Variants in CENPE observed in about 807,000 individuals in gnomAD.
The protein encoded by CENPE is centromere protein E, also known as centromere-associated protein E.
CENPE carries 145 observed loss-of-function variants against 336.1 expected under a neutral mutation model. The ratio of observed to expected loss-of-function variants is 0.43; its 90% CI spans 0.38 to 0.50. The LOEUF is 0.50. CENPE is among the 20% of genes least tolerant of loss of function. The pLI is 0.00. For missense variants in CENPE, 2,719 were observed against 3,023.3 expected (o/e 0.90, Z 2.36); for synonymous variants, 1,013 against 984.8 (o/e 1.03, Z -0.54).
At chr4:103,113,560 A>G (rs1156370929) in intron 46 of CENPE, among the ~76,000 whole-genome samples, 6 of 141,702 alleles carry the variant, frequency 4.2e-5, no homozygotes, top group Admixed American at 3.7e-4. Flanking sequence ...TATATAATAT[A>G]TAAGTAATAT....
chr4:103,153,589 G>A lies in CENPE; in HGVS notation c.3034-339C>T, dbSNP rs148960888. The stretch of plus-strand genomic sequence containing the variant: ...TACAAATATTAATAATTGTCTTCAC[G>A]TATGATAGGTTAACATGATTCTGCA... On this transcript the variant is annotated intron_variant, in intron 24 of 48. Transcript: ENST00000265148. 2.2e-3 allele frequency among the ~76,000 whole-genome samples: 341 copies of A among 152,248 alleles called. 1 individual carries two copies. The highest frequency in any genetic ancestry group is 7.3e-3 in the African/African-American group (304 of 41,546).
Position 103,144,417 on chromosome 4 carries a change from CTTTT to C in CENPE, c.5055_5058del (p.Arg1688MetfsTer12). 3 of 1,614,020 alleles carry C rather than the reference CTTTT, an allele frequency of 1.9e-6. No homozygotes were observed. The highest frequency in any genetic ancestry group is 2.5e-6 in the Non-Finnish European group (3 of 1,179,896). On this transcript the variant is annotated frameshift_variant, in exon 33 of 49. Transcript: ENST00000265148. LOFTEE classifies it high-confidence loss of function. ...TCCACACTCCTAAGGTCATCTCTTT[CTTTT>C]GTTACAGATCTCATTTCTTCAAGGT... is the stretch of plus-strand genomic sequence containing the variant.
chr4:103,145,017 T>TC, intron 32 of CENPE, 33 bp downstream of exon 32: 1 of 1,380,306 alleles, frequency 7.2e-7, no homozygotes, highest in Non-Finnish European at 9.7e-7. Context: ...TATTTCTGTA[T>TC]CCAAAAAAAA....
intron 8 of CENPE, among the ~76,000 whole-genome samples, chr4:103,187,508 A>G (rs2126036484): frequency 1.3e-5 from 2 of 152,356 alleles, no homozygotes; most frequent in Admixed American, 6.5e-5. Context: ...ATTCTTAAAG[A>G]AAAGAATATT....
chr4:103,140,783 A>T (rs1441847563), intron 36 of CENPE, 31 bp downstream of exon 36: 5 of 1,531,718 alleles, frequency 3.3e-6, no homozygotes, highest in Non-Finnish European at 4.4e-6. Context: ...ATGTGAATAT[A>T]ATGGTAGGGT....
chr4:103,106,340 A>C, intron 48 of CENPE, 24 bp from the exon 49 acceptor site: 1 of 1,543,032 alleles, frequency 6.5e-7, no homozygotes, highest in Non-Finnish European at 8.9e-7. Flanking sequence ...TGAAAACAAC[A>C]TTCATCCTAT....
rs865884196 is a variant in CENPE at position 103,196,803 on chromosome 4, T to C, written c.104A>G (p.Asn35Ser). Reference sequence around the variant, plus strand: ...TCCATCAACTTGATAAATGACATTATTGTCAGTTTTCCAGTAAACTTGGGC... The same window carrying C: ...TCCATCAACTTGATAAATGACATTACTGTCAGTTTTCCAGTAAACTTGGGC... Reference protein sequence around the residue: ...ETAQVYWKTDNNVIYQVDGSK... With the variant: ...ETAQVYWKTDSNVIYQVDGSK... Residue 35 changes from asparagine (N) to serine (S), a missense_variant, in exon 2 of 49, where the codon AAT becomes AGT. This residue lies in a region of CENPE where 48 missense variants were observed against 50.8 expected (regional missense o/e 0.94). Coordinates refer to ENST00000265148, the MANE Select transcript of CENPE (RefSeq NM_001813.3). 7.5e-6 allele frequency: 12 copies of C among 1,600,214 alleles called. No homozygotes were observed. The Middle Eastern group carries it at 6.8e-4, about 91-fold the overall frequency.
chr4:103,149,419 A>C lies in CENPE; in HGVS notation c.3397-11T>G, dbSNP rs764993912. On this transcript the variant is annotated splice_polypyrimidine_tract_variant and intron_variant, in intron 26 of 48. Coordinates refer to ENST00000265148, the MANE Select transcript of CENPE (RefSeq NM_001813.3). ...TTGGAGTTGCTGGCTCTTAAAATGC[A>C]CAATTTTTATAATTACCATTTTACT... 24 of 1,543,574 alleles carry C rather than the reference A, an allele frequency of 1.6e-5. No homozygotes were observed. Among genetic ancestry groups the C allele is most frequent in the South Asian group, 5.1e-5 (4 of 78,996 alleles).
In CENPE at chr4:103,175,961, T is replaced by C. The variant is rs1755817127; in HGVS notation, c.1478A>G (p.Gln493Arg). 5 of 1,572,680 alleles carry C rather than the reference T, an allele frequency of 3.2e-6. No homozygotes were observed. The East Asian group carries it at 1.1e-4, about 36-fold the overall frequency. Reference sequence around the variant, plus strand: ...ATGCTGTAAAATACATTAAGTTACCTGATTTAGTAGCTTTGTTGCTGGATT... The same window carrying C: ...ATGCTGTAAAATACATTAAGTTACCCGATTTAGTAGCTTTGTTGCTGGATT... ...EWNPATKLLN[Q>R]ENIESELNSL... Residue 493 changes from glutamine to arginine, a missense_variant and splice_region_variant, in exon 15 of 49, where the codon CAG (glutamine) becomes CGG (arginine). Transcript: ENST00000265148.
At chr4:103,141,969 A>G (rs1221413420) in intron 34 of CENPE, 61 bp from the exon 35 acceptor site, 2 of 1,026,782 alleles carry the variant, frequency 1.9e-6, no homozygotes, top group Admixed American at 4.9e-5. Flanking sequence ...TTTAAAAAAT[A>G]AAGTGATATA....
chr4:103,157,031 G>T (rs1754015980), intron 24 of CENPE, among the ~76,000 whole-genome samples: 1 of 139,932 alleles, frequency 7.1e-6, no homozygotes, highest in South Asian at 2.2e-4. Context: ...ATGAGATACT[G>T]CCTCACATCC....
At chr4:103,160,490 T>C in intron 21 of CENPE, 135 bp downstream of exon 21, 1 of 612,238 alleles carries the variant, frequency 1.6e-6, no homozygotes, top group Non-Finnish European at 2.7e-6. Flanking sequence ...CATTTCTATT[T>C]CTAACTAGTC....
intron 24 of CENPE, 34 bp from the exon 25 acceptor site, chr4:103,153,284 A>C (rs773448944): frequency 5.6e-6 from 8 of 1,434,816 alleles, no homozygotes; most frequent in Non-Finnish European, 3.8e-6. Context: ...AGAATTTCTT[A>C]AGTAGTTAAC....
rs1752035981 is a variant in CENPE at position 103,135,995 on chromosome 4, C to T, written c.6522+146G>A. ...GAGTTCAGGTGTTGCTGATATCCTA[C>T]ATATTACTATGCTCAGACCCACATA... On this transcript the variant is annotated intron_variant, in intron 40 of 48. Transcript: ENST00000265148. The T allele has an allele frequency of 2.7e-5, 18 of 670,984 alleles. No homozygotes were observed. In the South Asian group the frequency reaches 3.5e-4, roughly 13 times the overall value. 41.6% of individuals were successfully genotyped at this position (670,984 alleles called of 1,614,324 possible).
intron 15 of CENPE, among the ~76,000 whole-genome samples, chr4:103,175,685 A>C (rs1415400073): frequency 6.6e-6 from 1 of 152,132 alleles, no homozygotes; most frequent in Non-Finnish European, 1.5e-5. Context: ...GAAGTTTACC[A>C]AGGCAAAACA....
At chr4:103,186,343 G>C (rs1451677910) in intron 8 of CENPE, among the ~76,000 whole-genome samples, 2 of 151,704 alleles carry the variant, frequency 1.3e-5, no homozygotes, top group Non-Finnish European at 2.9e-5. Flanking sequence ...CCTCAGCATA[G>C]CTTTGCCTAC....
chr4:103,162,032 AATT>A (rs1338924849), intron 18 of CENPE, among the ~76,000 whole-genome samples: 2 of 152,136 alleles, frequency 1.3e-5, no homozygotes, highest in Non-Finnish European at 2.9e-5. Context: ...AAAATTAATA[AATT>A]AATACATGAA....
intron 21 of CENPE, among the ~76,000 whole-genome samples, chr4:103,160,271 G>A (rs1481513093): frequency 6.6e-6 from 1 of 151,630 alleles, no homozygotes; most frequent in East Asian, 1.9e-4. Context: ...CCTCATTACT[G>A]TCTTTTATTC....
chr4:103,176,119 AC>A lies in CENPE; in HGVS notation c.1391-72del, dbSNP rs1280881106. ...AATTTCCTAAGTCAAATTAAAGATT[AC>A]TAAAAAAATTCTTATCAGAGATACT... On this transcript the variant is annotated intron_variant, in intron 14 of 48. Transcript: ENST00000265148. 3.4e-6 allele frequency: 3 copies of A among 888,554 alleles called. No homozygotes were observed. In the East Asian group the frequency reaches 7.7e-5, roughly 23 times the overall value. 55.0% of individuals were successfully genotyped at this position (888,554 alleles called of 1,614,324 possible).
Sources: gnomAD v4.1 joint callset for allele counts (sites outside exome capture counted in the v4.1 genomes callset) on GRCh38, gnomAD v4.1.1 for gene constraint, gnomAD v4.1.1 regional missense constraint, MANE v1.5 for transcripts, NCBI Gene and HGNC (gene_info 2026-07-23, HGNC 2026-07-21) for gene names.